The following UBQLN2 variants were observed in gnomAD, a reference collection of about 807,000 sequenced individuals.
UBQLN2 encodes ubiquilin-2.
In UBQLN2, 2 loss-of-function variants were observed where a neutral mutation model predicts 22.2. The observed-to-expected ratio is 0.09, with a 90% CI of 0.04 to 0.28. UBQLN2 has a LOEUF of 0.28. Ranked by LOEUF, UBQLN2 falls within the 10% of genes least tolerant of loss-of-function variation. The probability of loss-of-function intolerance (pLI) is 1.00; values close to 1 mark genes in which losing one functional copy is unlikely to be tolerated. For missense variants in UBQLN2, 446 were observed against 505.1 expected, an observed-to-expected ratio of 0.88 and a Z score of 1.12; for synonymous variants, 252 against 206.7, an observed-to-expected ratio of 1.22 and a Z score of -1.88.
In UBQLN2 at chrX:56,566,988, A is replaced by G. The variant is rs1244518219; in HGVS notation, c.*1240A>G. 8.1e-6 allele frequency: 1 copy of G among 122,998 alleles called. No homozygotes were observed. The highest frequency in any genetic ancestry group is 3.3e-5 in the African/African-American group (1 of 30,749). 10.1% of individuals were successfully genotyped at this position (122,998 alleles called of 1,213,427 possible). A position where few individuals can be genotyped will look rare whatever the true frequency, so the allele number is the denominator to read the frequency against. On this transcript the variant is annotated 3_prime_UTR_variant, in exon 1 of 1. Transcript: ENST00000338222. ...GCCTTTTGGCCCTAGGATCGTGTTT[A>G]GGAGGATTATCCCACCCCGAGATTA...
rs1283225784 is a variant in UBQLN2 at position 56,565,781 on chromosome X, T to G, written c.*33T>G. The G allele has an allele frequency of 9.0e-7, 1 of 1,110,891 alleles. No homozygotes were observed. Among genetic ancestry groups the G allele is most frequent in the Non-Finnish European group, 1.2e-6 (1 of 817,282 alleles). The allele number at this position is 1,110,891 out of a possible 1,213,427, so 91.5% of individuals were successfully genotyped here. On this transcript the variant is annotated 3_prime_UTR_variant, in exon 1 of 1. Transcript: ENST00000338222. ...TCTGTACCTGGAAAAAAAATGTATC[T>G]TATTTTTGATAATGGCTCTTAAATC...
chrX:56,566,253 T>C lies in UBQLN2; in HGVS notation c.*505T>C, dbSNP rs2068641896. The C allele has an allele frequency of 6.9e-6, 1 of 144,770 alleles. No homozygotes were observed. The allele number at this position is 144,770 out of a possible 1,213,427, so 11.9% of individuals were successfully genotyped here. ...AGATATTAAAAACAGAAGCAAATTA[T>C]TTGAAGCTCTCTAATTTGTGGTACG... On this transcript the variant is annotated 3_prime_UTR_variant, in exon 1 of 1. Transcript: ENST00000338222.
chrX:56,565,800 T>C lies in UBQLN2; in HGVS notation c.*52T>C. 9.6e-7 allele frequency: 1 copy of C among 1,042,981 alleles called. No homozygotes were observed. The highest frequency in any genetic ancestry group is 1.8e-5 in the African/African-American group (1 of 54,141). The allele number at this position is 1,042,981 out of a possible 1,213,427, so 86.0% of individuals were successfully genotyped here. ...TGTATCTTATTTTTGATAATGGCTC[T>C]TAAATCTTTAAACACACACACAAAA... On this transcript the variant is annotated 3_prime_UTR_variant, in exon 1 of 1. Coordinates refer to ENST00000338222, the MANE Select transcript of UBQLN2 (RefSeq NM_013444.4).
chrX:56,567,617 A>G lies in UBQLN2; in HGVS notation c.*1869A>G, dbSNP rs2068648854. 8.1e-6 allele frequency: 1 copy of G among 122,840 alleles called. No individual in the cohort carries two copies. Among genetic ancestry groups the G allele is most frequent in the African/African-American group, 3.3e-5 (1 of 30,645 alleles). 10.1% of individuals were successfully genotyped at this position (122,840 alleles called of 1,213,427 possible). ...GATACTGCTTATTGGAGCTTTTAAT[A>G]TGTTACCTATGTGGTCATTTTTGCT... On this transcript the variant is annotated 3_prime_UTR_variant, in exon 1 of 1. Coordinates refer to ENST00000338222, the MANE Select transcript of UBQLN2 (RefSeq NM_013444.4).
At position 56,563,808 on chromosome X, in the gene UBQLN2, CT is replaced by C. The variant is rs2068627384; in HGVS notation, c.-64del. 3.3e-6 allele frequency: 3 copies of C among 914,975 alleles called. No individual in the cohort carries two copies. The highest frequency in any genetic ancestry group is 4.5e-6 in the Non-Finnish European group (3 of 663,404). The allele number at this position is 914,975 out of a possible 1,213,427, so 75.4% of individuals were successfully genotyped here. A position where few individuals can be genotyped will look rare whatever the true frequency, so the allele number is the denominator to read the frequency against. On this transcript the variant is annotated 5_prime_UTR_variant, in exon 1 of 1. Transcript: ENST00000338222. The stretch of plus-strand genomic sequence containing the variant: ...TGCGGCGGTGCCTCCTTCCTTCCTC[CT>C]TCCCTCGCGCTCTCTCTTTCGCCCG...
In UBQLN2 at chrX:56,564,174, G is replaced by C; in HGVS notation, c.301G>C (p.Val101Leu). ...CCATGATGGGCTGACTGTTCACCTT[G>C]TCATCAAAAGCCAGAACCGACCTCA... ...GIHDGLTVHL[V>L]IKSQNRPQGQ... The change falls in exon 1 of 1, where the codon GTC becomes CTC. Residue 101 changes from valine (V) to leucine (L), a missense_variant. By Grantham distance (32) the Val-to-Leu change is conservative. Coordinates refer to ENST00000338222, the MANE Select transcript of UBQLN2 (RefSeq NM_013444.4). The C allele has an allele frequency of 8.3e-7, 1 of 1,211,480 alleles. No individual in the cohort carries two copies. The highest frequency in any genetic ancestry group is 1.1e-6 in the Non-Finnish European group (1 of 895,175).
At position 56,563,900 on chromosome X, in the gene UBQLN2, C is replaced by T. The variant is rs754777429; in HGVS notation, c.27C>T (p.Gly9=). The change falls in exon 1 of 1, where the codon GGC becomes GGT. Residue 9 remains glycine, a synonymous_variant. Transcript: ENST00000338222. MAENGESS[G]PPRPSRGPAA... is the part of the protein sequence containing the mutation. ...TGGCTGAGAATGGCGAGAGCAGCGG[C>T]CCCCCGCGCCCCTCCCGCGGCCCTG... is the stretch of plus-strand genomic sequence containing the variant. 2 of 1,148,303 alleles carry T rather than the reference C, an allele frequency of 1.7e-6. No individual in the cohort carries two copies. Among genetic ancestry groups the T allele is most frequent in the South Asian group, 2.1e-5 (1 of 48,737 alleles). 94.6% of individuals were successfully genotyped at this position (1,148,303 alleles called of 1,213,427 possible).
rs772527119 is a variant in UBQLN2, at chrX:56,564,745, C to T, written c.872C>T (p.Pro291Leu). The T allele has an allele frequency of 2.5e-6, 3 of 1,211,379 alleles. No individual in the cohort carries two copies. Among genetic ancestry groups the T allele is most frequent in the East Asian group, 5.9e-5 (2 of 33,812 alleles). The change falls in exon 1 of 1, where the codon CCA becomes CTA. Residue 291 changes from proline (P) to leucine (L), a missense_variant. By Grantham distance (98) the Pro-to-Leu change is moderately conservative. Transcript: ENST00000338222. ...NAAQEQFGGN[P>L]FASVGSSSSS... ...GCACAAGAGCAGTTTGGGGGTAATC[C>T]ATTTGCCTCCGTGGGGAGTAGTTCC... is the stretch of plus-strand genomic sequence containing the variant.
chrX:56,564,244 C>T lies in UBQLN2; in HGVS notation c.371C>T (p.Thr124Ile). Residue 124 changes from threonine to isoleucine, a missense_variant, in exon 1 of 1, where the codon ACC becomes ATC. Thr to Ile is a moderately conservative substitution (Grantham distance 89). Around this residue, in one of 3 missense-constraint regions of UBQLN2, gnomAD observed 129 missense variants for 198.1 expected, o/e 0.65. Coordinates refer to ENST00000338222, the MANE Select transcript of UBQLN2 (RefSeq NM_013444.4). ...AGCAATGCCGCGGGAACTAACACTA[C>T]CTCGGCGTCGACTCCCAGGAGTAAC... ...QPSNAAGTNT[T>I]SASTPRSNST... is the part of the protein sequence containing the mutation. 1 of 1,211,350 alleles carries T rather than the reference C, an allele frequency of 8.3e-7. No individual in the cohort carries two copies. The highest frequency in any genetic ancestry group is 1.1e-6 in the Non-Finnish European group (1 of 895,355).
At position 56,563,791 on chromosome X, in the gene UBQLN2, T is replaced by C. The variant is rs2068627246; in HGVS notation, c.-83T>C. The C allele has an allele frequency of 1.3e-6, 1 of 776,304 alleles. No individual in the cohort carries two copies. The highest frequency in any genetic ancestry group is 3.2e-5 in the Admixed American group (1 of 31,179). 64.0% of individuals were successfully genotyped at this position (776,304 alleles called of 1,213,427 possible). A position where few individuals can be genotyped will look rare whatever the true frequency, so the allele number is the denominator to read the frequency against. ...GACCCGGCCCAGCCCGCTGCGGCGGTGCCTCCTTCCTTCCTCCTTCCCTCG... is the reference window on the plus strand; with the variant it reads ...GACCCGGCCCAGCCCGCTGCGGCGGCGCCTCCTTCCTTCCTCCTTCCCTCG... On this transcript the variant is annotated 5_prime_UTR_variant, in exon 1 of 1. Coordinates refer to ENST00000338222, the MANE Select transcript of UBQLN2 (RefSeq NM_013444.4).
Position 56,565,563 on chromosome X carries a change from G to A in UBQLN2, c.1690G>A (p.Val564Met). The A allele has an allele frequency of 8.3e-7, 1 of 1,212,009 alleles. No homozygotes were observed. The highest frequency in any genetic ancestry group is 2.3e-4 in the Middle Eastern group (1 of 4,355). Residue 564 changes from valine to methionine, a missense_variant, in exon 1 of 1, where the codon GTG (valine) becomes ATG (methionine). Coordinates refer to ENST00000338222, the MANE Select transcript of UBQLN2 (RefSeq NM_013444.4). ...CAACCAGCAGTTCATTCAGCAAATG[G>A]TGCAGGCCCTGGCTGGAGCAAATGC... ...GPNQQFIQQM[V>M]QALAGANAPQ...
Position 56,565,927 on chromosome X carries a change from C to T in UBQLN2, c.*179C>T, listed in dbSNP as rs1009222620. The T allele has an allele frequency of 2.0e-6, 1 of 488,891 alleles. No individual in the cohort carries two copies. Among genetic ancestry groups the T allele is most frequent in the African/African-American group, 2.4e-5 (1 of 41,244 alleles). 40.3% of individuals were successfully genotyped at this position (488,891 alleles called of 1,213,427 possible). A position where few individuals can be genotyped will look rare whatever the true frequency, so the allele number is the denominator to read the frequency against. On this transcript the variant is annotated 3_prime_UTR_variant, in exon 1 of 1. Transcript: ENST00000338222. ...CCCTCCCTCCTACTTCCCTCACTCC[C>T]TTTCTCCTTTGCTTATTTTTCCTAC...
rs2068633439 is a variant in UBQLN2 at position 56,564,908 on chromosome X, T to C, written c.1035T>C (p.Ser345=). 1 of 1,211,086 alleles carries C rather than the reference T, an allele frequency of 8.3e-7. No individual in the cohort carries two copies. The highest frequency in any genetic ancestry group is 1.1e-6 in the Non-Finnish European group (1 of 895,164). Residue 345 remains serine, a synonymous_variant, in exon 1 of 1, where the codon AGT becomes AGC. Transcript: ENST00000338222. ...TTSTGSGSGN[S]SSNATGNTVA... is the part of the protein sequence containing the mutation. ...GCACTGGTAGTGGGTCTGGCAATAG[T>C]TCCAGCAATGCTACTGGGAACACCG...
rs2068648094 is a variant in UBQLN2 at position 56,567,460 on chromosome X, G to C, written c.*1712G>C. The C allele has an allele frequency of 8.1e-6, 1 of 123,096 alleles. No individual in the cohort carries two copies. The highest frequency in any genetic ancestry group is 3.3e-5 in the African/African-American group (1 of 30,740). 10.1% of individuals were successfully genotyped at this position (123,096 alleles called of 1,213,427 possible). ...ATATGACTGTGAGGACTACAGAATTGCATTGCTTTCCAGAAACATGTTGCC... is the reference window on the plus strand; with the variant it reads ...ATATGACTGTGAGGACTACAGAATTCCATTGCTTTCCAGAAACATGTTGCC... On this transcript the variant is annotated 3_prime_UTR_variant, in exon 1 of 1. Coordinates refer to ENST00000338222, the MANE Select transcript of UBQLN2 (RefSeq NM_013444.4).
Position 56,565,825 on chromosome X carries a change from A to C in UBQLN2, c.*77A>C. 1.0e-6 allele frequency: 1 copy of C among 972,215 alleles called. No homozygotes were observed. The highest frequency in any genetic ancestry group is 1.4e-6 in the Non-Finnish European group (1 of 695,893). The allele number at this position is 972,215 out of a possible 1,213,427, so 80.1% of individuals were successfully genotyped here. On this transcript the variant is annotated 3_prime_UTR_variant, in exon 1 of 1. Transcript: ENST00000338222. ...TTAAATCTTTAAACACACACACAAA[A>C]TCGTTCTTTACTTTCATTTTGATTC...
At position 56,565,359 on chromosome X, in the gene UBQLN2, A is replaced by T; in HGVS notation, c.1486A>T (p.Thr496Ser). 1 of 1,204,779 alleles carries T rather than the reference A, an allele frequency of 8.3e-7. No homozygotes were observed. Among genetic ancestry groups the T allele is most frequent in the Non-Finnish European group, 1.1e-6 (1 of 891,974 alleles). The change falls in exon 1 of 1, where the codon ACC (threonine) becomes TCC (serine). Residue 496 changes from threonine to serine, a missense_variant. Transcript: ENST00000338222. ...CGCTATAGGCCCTGTAGGCCCAGTC[A>T]CCCCCATAGGCCCCATAGGCCCTAT... is the stretch of plus-strand genomic sequence containing the variant. ...GTAIGPVGPV[T>S]PIGPIGPIVP...
chrX:56,567,505 T>C lies in UBQLN2; in HGVS notation c.*1757T>C, dbSNP rs1453022371. 8.1e-6 allele frequency: 1 copy of C among 122,980 alleles called. No homozygotes were observed. The highest frequency in any genetic ancestry group is 1.9e-5 in the Non-Finnish European group (1 of 53,116). 10.1% of individuals were successfully genotyped at this position (122,980 alleles called of 1,213,427 possible). A position where few individuals can be genotyped will look rare whatever the true frequency, so the allele number is the denominator to read the frequency against. Reference sequence around the variant, plus strand: ...GTTGCCTTGTTTCTGAAAAACTTTATATATCCTTCAAGAGAGTTTTACTTA... The same window carrying C: ...GTTGCCTTGTTTCTGAAAAACTTTACATATCCTTCAAGAGAGTTTTACTTA... On this transcript the variant is annotated 3_prime_UTR_variant, in exon 1 of 1. Transcript: ENST00000338222.
rs368712726 is a variant in UBQLN2, at chrX:56,564,456, C to A, written c.583C>A (p.Leu195Ile). 8.3e-7 allele frequency: 1 copy of A among 1,211,485 alleles called. No homozygotes were observed. The change falls in exon 1 of 1, where the codon CTT becomes ATT. Residue 195 changes from leucine to isoleucine, a missense_variant. Transcript: ENST00000338222. Reference sequence around the variant, plus strand: ...GGAAAATCCCTTTGTTCAGAGCATGCTTTCGAATCCCGATCTGATGAGGCA... The same window carrying A: ...GGAAAATCCCTTTGTTCAGAGCATGATTTCGAATCCCGATCTGATGAGGCA... ...IMENPFVQSM[L>I]SNPDLMRQLI...
Position 56,564,895 on chromosome X carries a change from G to A in UBQLN2, c.1022G>A (p.Gly341Glu). ...AGCACGACCACAAGCACTGGTAGTG[G>A]GTCTGGCAATAGTTCCAGCAATGCT... ...TTSTTTSTGS[G>E]SGNSSSNATG... is the part of the protein sequence containing the mutation. Residue 341 changes from glycine (G) to glutamate (E), a missense_variant, in exon 1 of 1, where the codon GGG becomes GAG. Physicochemically the swap from Gly to Glu is moderately conservative, Grantham distance 98. Around this residue, in one of 3 missense-constraint regions of UBQLN2, gnomAD observed 278 missense variants for 279.4 expected, o/e 1.00. Transcript: ENST00000338222. 8.3e-7 allele frequency: 1 copy of A among 1,211,047 alleles called. No homozygotes were observed.
Sources: allele counts gnomAD v4.1 joint callset, GRCh38; gene constraint gnomAD v4.1.1; regional missense constraint gnomAD v4.1.1; transcripts MANE v1.5; gene names NCBI Gene and HGNC (gene_info 2026-07-23, HGNC 2026-07-21).